Variants in PIK3CB observed in about 807,000 individuals in gnomAD.
The protein encoded by PIK3CB is phosphatidylinositol-4,5-bisphosphate 3-kinase catalytic subunit beta, also known as phosphatidylinositol 4,5-bisphosphate 3-kinase catalytic subunit beta isoform.
A neutral mutation model predicts 136.8 loss-of-function variants in PIK3CB; 39 were observed. The observed-to-expected ratio is 0.29, with a 90% CI of 0.22 to 0.37. The LOEUF is 0.37. PIK3CB is among the 10% of genes least tolerant of loss of function. PIK3CB has a pLI of 1.00. For synonymous variants in PIK3CB, 428 were observed against 436.6 expected (o/e 0.98, Z 0.25); for missense variants, 868 against 1,275.4 (o/e 0.68, Z 4.87).
chr3:138,764,862 C>A (rs2045710908), intron 2 of PIK3CB, among the ~76,000 whole-genome samples: 1 of 152,188 alleles, frequency 6.6e-6, no homozygotes, highest in Non-Finnish European at 1.5e-5. Flanking sequence ...TCTCAAGCAC[C>A]CAGGACATAC....
intron 2 of PIK3CB, among the ~76,000 whole-genome samples, chr3:138,767,858 T>C (rs917547521): frequency 6.6e-6 from 1 of 152,202 alleles, no homozygotes; most frequent in Admixed American, 6.5e-5. Context: ...GAAGTCACAG[T>C]CCTGGCTCGG....
chr3:138,714,765 A>G (rs1196178750), intron 8 of PIK3CB, 46 bp from the exon 9 acceptor site: 1 of 1,452,536 alleles, frequency 6.9e-7, no homozygotes, highest in Non-Finnish European at 9.2e-7. Context: ...TGAATACTGT[A>G]CCACGAAAAA....
At chr3:138,701,701 CT>C (rs2044256346) in intron 12 of PIK3CB, among the ~76,000 whole-genome samples, 1 of 150,144 alleles carries the variant, frequency 6.7e-6, no homozygotes. Flanking sequence ...AGGGGAATCG[CT>C]TGAACCCGGG....
intron 1 of PIK3CB, among the ~76,000 whole-genome samples, chr3:138,803,179 T>G (rs2046196173): frequency 6.6e-6 from 1 of 152,124 alleles, no homozygotes; most frequent in Non-Finnish European, 1.5e-5. Flanking sequence ...GAATAAAAAG[T>G]ATCCACCTCT....
intron 2 of PIK3CB, among the ~76,000 whole-genome samples, chr3:138,795,708 T>C (rs2046101965): frequency 6.6e-6 from 1 of 152,232 alleles, no homozygotes; most frequent in Non-Finnish European, 1.5e-5. Context: ...ACCCTAACTA[T>C]AACTCCAGTG....
At chr3:138,666,969 A>G (rs568396958) in intron 19 of PIK3CB, among the ~76,000 whole-genome samples, 1 of 152,258 alleles carries the variant, frequency 6.6e-6, no homozygotes, top group African/African-American at 2.4e-5. Flanking sequence ...TGGGAGACCA[A>G]CGTGGGTGGA....
intron 2 of PIK3CB, among the ~76,000 whole-genome samples, chr3:138,783,313 A>T (rs1339603993): frequency 6.6e-6 from 1 of 151,126 alleles, no homozygotes; most frequent in Admixed American, 6.6e-5. Context: ...ACAGAGTCCC[A>T]CTCTGCCACC....
chr3:138,815,007 G>C (rs1422679390), intron 1 of PIK3CB, among the ~76,000 whole-genome samples: 1 of 151,418 alleles, frequency 6.6e-6, no homozygotes, highest in East Asian at 1.9e-4. Flanking sequence ...GGGCATGGTG[G>C]CAGGCGCCTA....
intron 1 of PIK3CB, among the ~76,000 whole-genome samples, chr3:138,799,141 C>T (rs951699190): frequency 1.3e-5 from 2 of 151,366 alleles, no homozygotes; most frequent in Non-Finnish European, 2.9e-5. Context: ...GCTGTTCCAA[C>T]ACCCTCCAAA....
intron 1 of PIK3CB, among the ~76,000 whole-genome samples, chr3:138,803,247 G>A (rs2046196957): frequency 6.6e-6 from 1 of 152,170 alleles, no homozygotes; most frequent in Non-Finnish European, 1.5e-5. Context: ...GTGGTGTCAA[G>A]GCAGGGAGAG....
At chr3:138,705,199 A>AAAAAAAAAAAT (rs1559828867) in intron 11 of PIK3CB, among the ~76,000 whole-genome samples, 2 of 143,258 alleles carry the variant, frequency 1.4e-5, no homozygotes, top group Non-Finnish European at 1.5e-5. Context: ...ACAAAAAAAA[A>AAAAAAAAAAAT]AACTTATATT....
intron 9 of PIK3CB, among the ~76,000 whole-genome samples, chr3:138,713,803 T>G (rs947808504): frequency 4.6e-5 from 7 of 152,124 alleles, no homozygotes; most frequent in Admixed American, 2.6e-4. Context: ...AGTGAAACAT[T>G]TGACTGAAAA....
intron 3 of PIK3CB, among the ~76,000 whole-genome samples, chr3:138,757,333 G>A (rs1045023040): frequency 3.3e-5 from 5 of 151,988 alleles, no homozygotes; most frequent in Non-Finnish European, 7.4e-5. Context: ...GAACCCAGGA[G>A]GCGGAGGTTG....
intron 2 of PIK3CB, among the ~76,000 whole-genome samples, chr3:138,765,188 C>T (rs896134412): frequency 6.6e-6 from 1 of 152,098 alleles, no homozygotes; most frequent in East Asian, 1.9e-4. Flanking sequence ...GGCGTGATGG[C>T]TGCCTGTAAT....
rs548975779 is a variant in PIK3CB, at chr3:138,710,641, C to A, written c.1399+1567G>T. Among the ~76,000 whole-genome samples, 135 of 152,270 alleles carry A rather than the reference C, an allele frequency of 8.9e-4. 2 individuals carry two copies. The South Asian group carries it at 8.9e-3, about 10-fold the overall frequency. On this transcript the variant is annotated intron_variant, in intron 10 of 23. Coordinates refer to ENST00000674063, the MANE Select transcript of PIK3CB (RefSeq NM_006219.3). Reference sequence around the variant, plus strand: ...GTTTGAAACAGCTATGTAAGACTAACTTATTTTCTCTGAGCTTCACTTATC... The same window carrying A: ...GTTTGAAACAGCTATGTAAGACTAAATTATTTTCTCTGAGCTTCACTTATC...
At chr3:138,711,957 A>T (rs911944670) in intron 10 of PIK3CB, among the ~76,000 whole-genome samples, 6 of 151,882 alleles carry the variant, frequency 4.0e-5, no homozygotes, top group African/African-American at 1.4e-4. Flanking sequence ...AAAATAAAAA[A>T]AAATAATAAA....
At chr3:138,710,128 G>A (rs1168635530) in intron 10 of PIK3CB, among the ~76,000 whole-genome samples, 2 of 151,938 alleles carry the variant, frequency 1.3e-5, no homozygotes, top group Non-Finnish European at 2.9e-5. Context: ...AGGCTACAGT[G>A]AGCTGTGTTC....
chr3:138,753,392 G>A (rs1377656602), intron 4 of PIK3CB, among the ~76,000 whole-genome samples: 6 of 151,766 alleles, frequency 4.0e-5, no homozygotes, highest in African/African-American at 1.5e-4. Flanking sequence ...ATGGTGGCAG[G>A]TGCCTGTAAT....
At chr3:138,717,712 C>T (rs557612004) in intron 8 of PIK3CB, among the ~76,000 whole-genome samples, 1 of 152,270 alleles carries the variant, frequency 6.6e-6, no homozygotes, top group South Asian at 2.1e-4. Context: ...CAAGTAGGCT[C>T]CAGTGTCTGT....
Sources: allele counts gnomAD v4.1 joint callset (sites outside exome capture counted in the v4.1 genomes callset), GRCh38; gene constraint gnomAD v4.1.1; transcripts MANE v1.5; gene names NCBI Gene and HGNC (gene_info 2026-07-23, HGNC 2026-07-21).